The following MYPN variants were observed in gnomAD, a reference collection of about 807,000 sequenced individuals.
MYPN encodes myopalladin, also known as sarcomeric protein myopalladin, 145 kDa (MYOP).
Under a neutral mutation model 129.4 loss-of-function variants are expected in MYPN, and 63 were observed. The observed-to-expected ratio is 0.49, with a 90% CI of 0.40 to 0.60. MYPN has a LOEUF of 0.60. MYPN is among the 20% of genes least tolerant of loss of function. The probability of loss-of-function intolerance (pLI) is 0.00; values close to 1 mark genes in which losing one functional copy is unlikely to be tolerated. For missense variants in MYPN, 1,596 were observed against 1,635.4 expected (o/e 0.98, Z 0.42); for synonymous variants, 629 against 600.9 (o/e 1.05, Z -0.68).
chr10:68,147,847 T>C lies in MYPN; in HGVS notation c.1131-506T>C, dbSNP rs115380764. 4.1e-3 allele frequency among the ~76,000 whole-genome samples: 618 copies of C among 152,320 alleles called. 3 individuals carry two copies. The highest frequency in any genetic ancestry group is 0.014 in the African/African-American group (599 of 41,576). On this transcript the variant is annotated intron_variant, in intron 4 of 19. Transcript: ENST00000358913. ...CTTCAAATACTCTCTTTAATTTAATTTGTGTAAACTTGAAAAGCTTGTTGA... is the reference window on the plus strand; with the variant it reads ...CTTCAAATACTCTCTTTAATTTAATCTGTGTAAACTTGAAAAGCTTGTTGA...
At chr10:68,189,912 G>T (rs936681054) in intron 13 of MYPN, among the ~76,000 whole-genome samples, 3 of 152,112 alleles carry the variant, frequency 2.0e-5, no homozygotes, top group African/African-American at 7.2e-5. Context: ...TCATATGGTA[G>T]TTCTATTTTT....
In MYPN at chr10:68,194,384, A is replaced by G; in HGVS notation, c.2947A>G (p.Lys983Glu). Reference protein sequence around the residue: ...VPKVYWFKDGKQISKRNEHCK... With the variant: ...VPKVYWFKDGEQISKRNEHCK... The stretch of plus-strand genomic sequence containing the variant: ...TCAGGTTTACTGGTTCAAAGATGGG[A>G]AGCAGATTTCTAAGAGAAATGAGCA... The change falls in exon 14 of 20, where the codon AAG becomes GAG. Residue 983 changes from lysine (K) to glutamate (E), a missense_variant. Coordinates refer to ENST00000358913, the MANE Select transcript of MYPN (RefSeq NM_032578.4). The G allele has an allele frequency of 6.2e-7, 1 of 1,613,808 alleles. No individual in the cohort carries two copies. Among genetic ancestry groups the G allele is most frequent in the Non-Finnish European group, 8.5e-7 (1 of 1,179,800 alleles).
rs748349723 is a variant in MYPN at position 68,201,868 on chromosome 10, T to C, written c.3533T>C (p.Leu1178Pro). The C allele has an allele frequency of 6.2e-7, 1 of 1,613,828 alleles. No individual in the cohort carries two copies. Among genetic ancestry groups the C allele is most frequent in the Non-Finnish European group, 8.5e-7 (1 of 1,179,982 alleles). Reference protein sequence around the residue: ...VKKAPVILEKLQNCGVPEGHP... With the variant: ...VKKAPVILEKPQNCGVPEGHP... ...AAAGCACCTGTGATCCTGGAGAAAC[T>C]ACAGAACTGCGGTGTTCCCGAAGGC... The change falls in exon 18 of 20, where the codon CTA becomes CCA. Residue 1178 changes from leucine (L) to proline (P), a missense_variant. Physicochemically the swap from Leu to Pro is moderately conservative, Grantham distance 98 (BLOSUM62 -3). Coordinates refer to ENST00000358913, the MANE Select transcript of MYPN (RefSeq NM_032578.4).
intron 1 of MYPN, among the ~76,000 whole-genome samples, chr10:68,089,471 A>G (rs1471511038): frequency 6.6e-6 from 1 of 152,022 alleles, no homozygotes; most frequent in Non-Finnish European, 1.5e-5. Context: ...CCTCCCGAGT[A>G]GCTGGGACTA....
chr10:68,125,654 T>C (rs973890807), intron 2 of MYPN, among the ~76,000 whole-genome samples: 1 of 152,168 alleles, frequency 6.6e-6, no homozygotes, highest in African/African-American at 2.4e-5. Context: ...AAACTTTAAG[T>C]AGTGTCAGGT....
intron 1 of MYPN, among the ~76,000 whole-genome samples, chr10:68,090,853 T>C (rs1420926156): frequency 6.6e-6 from 1 of 152,184 alleles, no homozygotes; most frequent in Non-Finnish European, 1.5e-5. Flanking sequence ...TTGGAGCTTA[T>C]AATTACATTG....
intron 2 of MYPN, among the ~76,000 whole-genome samples, chr10:68,125,234 A>G (rs1180955791): frequency 6.6e-6 from 1 of 152,194 alleles, no homozygotes; most frequent in Non-Finnish European, 1.5e-5. Context: ...CAAATCTTCA[A>G]ATTTAAAAGT....
Position 68,210,486 on chromosome 10 carries a change from C to T in MYPN, c.*31C>T, listed in dbSNP as rs370955104. Reference sequence around the variant, plus strand: ...TCTAGGTACCTGCTGTGTAAGAGAGCGGACTGTGGAGGGGGAATGAGAACA... The same window carrying T: ...TCTAGGTACCTGCTGTGTAAGAGAGTGGACTGTGGAGGGGGAATGAGAACA... On this transcript the variant is annotated 3_prime_UTR_variant, in exon 20 of 20. Transcript: ENST00000358913. The T allele has an allele frequency of 2.0e-5, 32 of 1,612,262 alleles. No homozygotes were observed. The Admixed American group carries it at 3.2e-4, about 16-fold the overall frequency.
intron 10 of MYPN, among the ~76,000 whole-genome samples, chr10:68,169,009 A>G (rs1211621664): frequency 8.1e-6 from 1 of 123,558 alleles, no homozygotes; most frequent in East Asian, 2.2e-4. Flanking sequence ...AAAAAAAAAA[A>G]AAAAAAAAAA....
intron 13 of MYPN, 66 bp downstream of exon 13, chr10:68,189,192 G>T: frequency 1.7e-6 from 2 of 1,168,156 alleles, no homozygotes; most frequent in Non-Finnish European, 1.3e-6. Flanking sequence ...CCTTCAAGAA[G>T]GTCTTTAAAA....
At chr10:68,158,713 A>G in intron 7 of MYPN, 86 bp downstream of exon 7, 1 of 964,862 alleles carries the variant, frequency 1.0e-6, no homozygotes, top group Admixed American at 2.5e-5. Context: ...TTTAACAACT[A>G]ATTAAAAATA....
chr10:68,093,804 G>C (rs2041942706), intron 1 of MYPN, among the ~76,000 whole-genome samples: 1 of 151,970 alleles, frequency 6.6e-6, no homozygotes, highest in Non-Finnish European at 1.5e-5. Flanking sequence ...CTACTCCGTA[G>C]GCAGAGCTGA....
intron 17 of MYPN, 139 bp from the exon 18 acceptor site, chr10:68,201,690 C>A: frequency 1.1e-6 from 1 of 903,752 alleles, no homozygotes; most frequent in Non-Finnish European, 1.7e-6. Flanking sequence ...ATCACCTGAA[C>A]CTGGCAGGGG....
At chr10:68,135,863 A>G (rs1222743404) in intron 2 of MYPN, among the ~76,000 whole-genome samples, 1 of 152,110 alleles carries the variant, frequency 6.6e-6, no homozygotes, top group Non-Finnish European at 1.5e-5. Flanking sequence ...TAAACCTACA[A>G]ATAAATATAT....
intron 6 of MYPN, among the ~76,000 whole-genome samples, chr10:68,153,147 G>A (rs1401850754): frequency 2.0e-5 from 3 of 150,738 alleles, no homozygotes; most frequent in African/African-American, 7.4e-5. Flanking sequence ...CACCATGCCT[G>A]GCTAATTTTT....
chr10:68,199,587 T>C lies in MYPN; in HGVS notation c.3493+12T>C, dbSNP rs1317538330. On this transcript the variant is annotated intron_variant, in intron 17 of 19. Coordinates refer to ENST00000358913, the MANE Select transcript of MYPN (RefSeq NM_032578.4). Reference sequence around the variant, plus strand: ...GCTCTCTGTAGTAGGTAAGGTTTGCTGCTGGGACCCCTAAACACAACTTCC... The same window carrying C: ...GCTCTCTGTAGTAGGTAAGGTTTGCCGCTGGGACCCCTAAACACAACTTCC... The C allele has an allele frequency of 6.3e-7, 1 of 1,582,088 alleles. No individual in the cohort carries two copies. Among genetic ancestry groups the C allele is most frequent in the Non-Finnish European group, 8.6e-7 (1 of 1,161,830 alleles).
rs777239593 is a variant in MYPN, at chr10:68,175,427, A to C, written c.2669A>C (p.Lys890Thr). The C allele has an allele frequency of 6.2e-7, 1 of 1,614,172 alleles. No individual in the cohort carries two copies. Among genetic ancestry groups the C allele is most frequent in the South Asian group, 1.1e-5 (1 of 91,084 alleles). Residue 890 changes from lysine (K) to threonine (T), a missense_variant, in exon 12 of 20, where the codon AAA becomes ACA. Lys to Thr is a moderately conservative substitution (Grantham distance 78). Transcript: ENST00000358913. ...GCAGTGATTCGAGACTTGGGGAAAA[A>C]AATAACTTTCAGTGATGTCAGACCA... ...KNAVIRDLGK[K>T]ITFSDVRPNQ...
At position 68,197,748 on chromosome 10, in the gene MYPN, G is replaced by C. The variant is rs569895740; in HGVS notation, c.3285+270G>C. 4.6e-5 allele frequency among the ~76,000 whole-genome samples: 7 copies of C among 152,222 alleles called. No homozygotes were observed. In the East Asian group the frequency reaches 1.3e-3, roughly 29 times the overall value. On this transcript the variant is annotated intron_variant, in intron 16 of 19. Transcript: ENST00000358913. ...ATTGCATTTTTAGAAGACAACCAAAGAGGTGATACACAGTAGTTCCCCCTT... is the reference window on the plus strand; with the variant it reads ...ATTGCATTTTTAGAAGACAACCAAACAGGTGATACACAGTAGTTCCCCCTT...
intron 17 of MYPN, 131 bp from the exon 18 acceptor site, chr10:68,201,698 G>A (rs1199967254): frequency 5.1e-6 from 5 of 976,496 alleles, no homozygotes; most frequent in Middle Eastern, 2.9e-4. Flanking sequence ...AACCTGGCAG[G>A]GGAGGGGTGC....
Sources: allele counts gnomAD v4.1 joint callset (sites outside exome capture counted in the v4.1 genomes callset), GRCh38; gene constraint gnomAD v4.1.1; transcripts MANE v1.5; gene names NCBI Gene and HGNC (gene_info 2026-07-23, HGNC 2026-07-21).